Variants in VAPB observed in about 807,000 individuals in gnomAD.
The protein encoded by VAPB is vesicle-associated membrane protein-associated protein B/C.
In VAPB, 7 loss-of-function variants were observed where a neutral mutation model predicts 25.6. The ratio of observed to expected loss-of-function variants is 0.27; its 90% CI spans 0.16 to 0.51. The LOEUF (loss-of-function observed/expected upper bound fraction) is 0.51. Ranked by LOEUF, VAPB falls within the 20% of genes least tolerant of loss-of-function variation. The pLI is 0.97. For missense variants in VAPB, 266 were observed against 301.3 expected (o/e 0.88, Z 0.87); for synonymous variants, 112 against 109.2 (o/e 1.03, Z -0.16).
At chr20:58,433,454 A>G (rs1312663606) in intron 2 of VAPB, among the ~76,000 whole-genome samples, 1 of 152,196 alleles carries the variant, frequency 6.6e-6, no homozygotes, top group African/African-American at 2.4e-5. Flanking sequence ...ATGAGGGCCC[A>G]GCAGAAAGGT....
intron 1 of VAPB, among the ~76,000 whole-genome samples, chr20:58,406,655 C>T (rs1600781974): frequency 1.3e-5 from 2 of 152,320 alleles, no homozygotes; most frequent in South Asian, 2.1e-4. Flanking sequence ...GGCTTTTTCA[C>T]ATGCTGTCAT....
At chr20:58,390,352 C>G (rs541809636) in intron 1 of VAPB, 2 of 151,162 alleles carry the variant, frequency 1.3e-5, no homozygotes, top group African/African-American at 4.9e-5. Flanking sequence ...TAATTTGTGC[C>G]TTTATGTTTT....
Position 58,444,100 on chromosome 20 carries a change from G to A in VAPB, c.597G>A (p.Arg199=), listed in dbSNP as rs748793394. The A allele has an allele frequency of 1.3e-5, 21 of 1,614,110 alleles. No individual in the cohort carries two copies. Among genetic ancestry groups the A allele is most frequent in the East Asian group, 2.2e-5 (1 of 44,904 alleles). ...QFKEEDGLRM[R]KTVQSNSPIS... is the part of the protein sequence containing the mutation. ...AGGAAGAAGATGGACTGCGGATGAG[G>A]AAGACAGTGCAGAGCAACAGCCCCA... Residue 199 remains arginine (R), a synonymous_variant, in exon 6 of 6, where the codon AGG becomes AGA. Coordinates refer to ENST00000475243, the MANE Select transcript of VAPB (RefSeq NM_004738.5).
chr20:58,436,292 C>G (rs1414635402), intron 3 of VAPB, among the ~76,000 whole-genome samples: 1 of 147,500 alleles, frequency 6.8e-6, no homozygotes, highest in Non-Finnish European at 1.5e-5. Context: ...GCCTAACCAT[C>G]ATTAATGAGA....
At chr20:58,391,690 G>A (rs544945638) in intron 1 of VAPB, among the ~76,000 whole-genome samples, 3 of 152,226 alleles carry the variant, frequency 2.0e-5, no homozygotes, top group South Asian at 2.1e-4. Context: ...GTGCCACTAC[G>A]CCTGGCTAAA....
At position 58,446,052 on chromosome 20, in the gene VAPB, G is replaced by A. The variant is rs1379158062; in HGVS notation, c.*1817G>A. 2 of 454,092 alleles carry A rather than the reference G, an allele frequency of 4.4e-6. No individual in the cohort carries two copies. Among genetic ancestry groups the A allele is most frequent in the South Asian group, 3.1e-5 (2 of 64,472 alleles). 28.1% of individuals were successfully genotyped at this position (454,092 alleles called of 1,614,324 possible). ...GGAAGTCTATGGTTGGTCTGAGTAA[G>A]TAACTTCCTGTCTTCATGAAAAAAG... is the stretch of plus-strand genomic sequence containing the variant. On this transcript the variant is annotated 3_prime_UTR_variant, in exon 6 of 6. Transcript: ENST00000475243.
At chr20:58,415,618 C>A (rs1988521654) in intron 1 of VAPB, among the ~76,000 whole-genome samples, 1 of 151,978 alleles carries the variant, frequency 6.6e-6, no homozygotes, top group African/African-American at 2.4e-5. Context: ...AGGAAAAATT[C>A]TAAGTTTAGA....
chr20:58,417,546 C>T (rs541613104), intron 1 of VAPB, among the ~76,000 whole-genome samples: 35 of 152,280 alleles, frequency 2.3e-4, no homozygotes, highest in African/African-American at 7.7e-4. Context: ...GCAGTCTTCC[C>T]AGTAGCGTGA....
intron 2 of VAPB, among the ~76,000 whole-genome samples, chr20:58,426,843 TGTG>T (rs1324481819): frequency 1.3e-5 from 2 of 152,204 alleles, no homozygotes; most frequent in East Asian, 3.9e-4. Context: ...GCACGTAAAA[TGTG>T]GAGAGAGAGA....
At chr20:58,397,260 C>G (rs1987981896) in intron 1 of VAPB, among the ~76,000 whole-genome samples, 1 of 152,150 alleles carries the variant, frequency 6.6e-6, no homozygotes, top group South Asian at 2.1e-4. Context: ...TGGCTCATGC[C>G]TGTAATCCCA....
chr20:58,447,671 CA>C lies in VAPB; in HGVS notation c.*3437del, dbSNP rs1307743074. ...GACTCTGTGTGTGTGTGCATGTGTG[CA>C]TGTGTGCATGTGTGGCATATGTGCC... On this transcript the variant is annotated 3_prime_UTR_variant, in exon 6 of 6. Coordinates refer to ENST00000475243, the MANE Select transcript of VAPB (RefSeq NM_004738.5). The C allele has an allele frequency of 9.1e-6, 4 of 438,194 alleles. No homozygotes were observed. Among genetic ancestry groups the C allele is most frequent in the Non-Finnish European group, 1.4e-5 (3 of 218,136 alleles). 27.1% of individuals were successfully genotyped at this position (438,194 alleles called of 1,614,324 possible).
At chr20:58,416,650 C>G (rs1231542151) in intron 1 of VAPB, among the ~76,000 whole-genome samples, 3 of 152,112 alleles carry the variant, frequency 2.0e-5, no homozygotes, top group Non-Finnish European at 4.4e-5. Flanking sequence ...CAAAATAAGT[C>G]TCATAGCAGA....
At chr20:58,426,516 A>G (rs1988786272) in intron 2 of VAPB, among the ~76,000 whole-genome samples, 1 of 152,166 alleles carries the variant, frequency 6.6e-6, no homozygotes, top group Admixed American at 6.5e-5. Context: ...ACTGGGTGTA[A>G]GGACATAGGG....
At chr20:58,424,373 T>C (rs946306962) in intron 2 of VAPB, among the ~76,000 whole-genome samples, 2 of 151,740 alleles carry the variant, frequency 1.3e-5, no homozygotes, top group African/African-American at 4.8e-5. Context: ...TAGCAGACAG[T>C]GGACGGGCTG....
At position 58,446,116 on chromosome 20, in the gene VAPB, A is replaced by C; in HGVS notation, c.*1881A>C. ...CCAGGTACTCACAGAAATGGTGAAC[A>C]GACTTAGTTGTTACCCAGGCACCCA... On this transcript the variant is annotated 3_prime_UTR_variant, in exon 6 of 6. Transcript: ENST00000475243. 2.2e-6 allele frequency: 1 copy of C among 454,104 alleles called. No individual in the cohort carries two copies. The highest frequency in any genetic ancestry group is 2.0e-5 in the African/African-American group (1 of 50,108). 28.1% of individuals were successfully genotyped at this position (454,104 alleles called of 1,614,324 possible). A position where few individuals can be genotyped will look rare whatever the true frequency, so the allele number is the denominator to read the frequency against.
intron 2 of VAPB, among the ~76,000 whole-genome samples, chr20:58,428,443 G>A (rs185921876): frequency 6.6e-6 from 1 of 152,262 alleles, no homozygotes; most frequent in East Asian, 1.9e-4. Flanking sequence ...ATTTGGTGTA[G>A]CGTAACAGTG....
intron 3 of VAPB, among the ~76,000 whole-genome samples, chr20:58,435,312 A>C (rs1989018197): frequency 1.3e-5 from 2 of 152,134 alleles, no homozygotes; most frequent in Admixed American, 6.5e-5. Flanking sequence ...TATAATGGAC[A>C]TTCCCTCCAA....
intron 1 of VAPB, among the ~76,000 whole-genome samples, chr20:58,402,237 T>G (rs1167864088): frequency 6.6e-6 from 1 of 152,200 alleles, no homozygotes; most frequent in Non-Finnish European, 1.5e-5. Context: ...CTCATGCTTG[T>G]GTTTCAGCCT....
At chr20:58,439,561 A>T (rs769032776) in intron 4 of VAPB, 1 of 159,224 alleles carries the variant, frequency 6.3e-6, no homozygotes, top group Non-Finnish European at 1.4e-5. Context: ...TGTGTACTGT[A>T]GGGTGTTTTA....
Sources: gnomAD v4.1 joint callset for allele counts (sites outside exome capture counted in the v4.1 genomes callset) on GRCh38, gnomAD v4.1.1 for gene constraint, MANE v1.5 for transcripts, NCBI Gene and HGNC (gene_info 2026-07-23, HGNC 2026-07-21) for gene names.